The following TSPAN19 variants were observed in gnomAD, a reference collection of about 807,000 sequenced individuals.
The protein encoded by TSPAN19 is tetraspanin 19.
A neutral mutation model predicts 35.1 loss-of-function variants in TSPAN19; 44 were observed. The ratio of observed to expected loss-of-function variants is 1.25; its 90% CI spans 0.98 to 1.61. The LOEUF (loss-of-function observed/expected upper bound fraction) is 1.61. Ranked by LOEUF, TSPAN19 falls within the 40% of genes most tolerant of loss-of-function variation. The pLI, the probability that TSPAN19 is intolerant of heterozygous loss-of-function variation, is 0.00. For missense variants in TSPAN19, 290 were observed against 280.0 expected (o/e 1.04, Z -0.26); for synonymous variants, 79 against 92.0 (o/e 0.86, Z 0.81).
chr12:85,015,652 A>G (rs1365280184), intron 8 of TSPAN19: 2 of 327,662 alleles, frequency 6.1e-6, no homozygotes, highest in Admixed American at 4.9e-5. Flanking sequence ...AAAAATATAC[A>G]TAGGTACTAT....
chr12:85,026,453 G>A (rs1730159328), intron 4 of TSPAN19, among the ~76,000 whole-genome samples: 1 of 152,162 alleles, frequency 6.6e-6, no homozygotes, highest in African/African-American at 2.4e-5. Context: ...CTGGAAGTCT[G>A]TGGGTTTCCA....
At chr12:85,030,054 C>A in intron 1 of TSPAN19, 81 bp from the exon 2 acceptor site, 1 of 1,092,602 alleles carries the variant, frequency 9.2e-7, no homozygotes, top group Non-Finnish European at 1.2e-6. Context: ...TTTATTTGCA[C>A]ATTTTTCTTC....
At chr12:85,016,017 C>T (rs1876774005) in intron 7 of TSPAN19, 46 bp from the exon 8 acceptor site, 2 of 1,160,034 alleles carry the variant, frequency 1.7e-6, no homozygotes, top group Admixed American at 5.5e-5. Flanking sequence ...TGGAAATGAT[C>T]TTATACATAA....
chr12:85,016,205 T>C, intron 7 of TSPAN19: 1 of 361,266 alleles, frequency 2.8e-6, no homozygotes, highest in East Asian at 5.1e-5. Context: ...AAATCAGAAA[T>C]TTGTTACACT....
In TSPAN19 at chr12:85,017,465, A is replaced by G. The variant is rs1461569168; in HGVS notation, c.585T>C (p.Thr195=). Residue 195 remains threonine, a synonymous_variant, in exon 7 of 9, where the codon ACT becomes ACC. Transcript: ENST00000532498. ...CTAGATTTATCTTTACCTCAAGGTAAGTTGCATTCAGTGGCTCATCACAAA... is the reference window on the plus strand; with the variant it reads ...CTAGATTTATCTTTACCTCAAGGTAGGTTGCATTCAGTGGCTCATCACAAA... ...KWFCDEPLNA[T]YLEGCENKIS... 2 of 1,607,880 alleles carry G rather than the reference A, an allele frequency of 1.2e-6. No individual in the cohort carries two copies. Among genetic ancestry groups the G allele is most frequent in the African/African-American group, 2.7e-5 (2 of 74,630 alleles).
intron 3 of TSPAN19, 52 bp from the exon 4 acceptor site, chr12:85,028,075 GTATTT>G: frequency 7.3e-7 from 1 of 1,377,002 alleles, no homozygotes; most frequent in Non-Finnish European, 9.8e-7. Flanking sequence ...ATATGAAGTG[GTATTT>G]TATTTATTTT....
At chr12:85,022,590 C>T (rs986073935) in intron 5 of TSPAN19, among the ~76,000 whole-genome samples, 1 of 152,040 alleles carries the variant, frequency 6.6e-6, no homozygotes, top group Non-Finnish European at 1.5e-5. Context: ...TTATATTTTA[C>T]AGATACAGCA....
At chr12:85,018,134 C>A (rs1219653956) in intron 6 of TSPAN19, among the ~76,000 whole-genome samples, 1 of 151,668 alleles carries the variant, frequency 6.6e-6, no homozygotes, top group African/African-American at 2.4e-5. Flanking sequence ...ATAAAATGAT[C>A]CAACTTTTAA....
At chr12:85,017,374 T>A in intron 7 of TSPAN19, 82 bp downstream of exon 7, 1 of 1,273,426 alleles carries the variant, frequency 7.9e-7, no homozygotes, top group South Asian at 1.4e-5. Context: ...TATATAAAAA[T>A]TTGCTCAGAA....
intron 5 of TSPAN19, among the ~76,000 whole-genome samples, chr12:85,022,427 C>A (rs1177477503): frequency 6.6e-6 from 1 of 151,988 alleles, no homozygotes; most frequent in Admixed American, 6.6e-5. Flanking sequence ...ATCTAGGAAC[C>A]ATATAAATTA....
chr12:85,028,573 G>T (rs1877533778), intron 3 of TSPAN19, among the ~76,000 whole-genome samples: 1 of 152,138 alleles, frequency 6.6e-6, no homozygotes, highest in African/African-American at 2.4e-5. Context: ...AACAATAAAT[G>T]CTCAACAAAT....
chr12:85,034,576 A>G (rs999153348), intron 1 of TSPAN19, among the ~76,000 whole-genome samples: 1 of 152,206 alleles, frequency 6.6e-6, no homozygotes, highest in Non-Finnish European at 1.5e-5. Flanking sequence ...CTCAGGTTAA[A>G]GAGTCATAGG....
At chr12:85,022,626 G>A (rs968580171) in intron 5 of TSPAN19, among the ~76,000 whole-genome samples, 5 of 152,022 alleles carry the variant, frequency 3.3e-5, no homozygotes, top group Admixed American at 2.0e-4. Context: ...GCAAGTTGGT[G>A]ATCCCTAACC....
At chr12:85,016,129 C>A in intron 7 of TSPAN19, 158 bp from the exon 8 acceptor site, 1 of 495,192 alleles carries the variant, frequency 2.0e-6, no homozygotes, top group Non-Finnish European at 3.5e-6. Context: ...GTCCAGAAAG[C>A]TTTCTACGGC....
intron 4 of TSPAN19, chr12:85,024,754 T>G: frequency 6.7e-6 from 1 of 148,706 alleles, no homozygotes; most frequent in Non-Finnish European, 1.5e-5. Flanking sequence ...TCCAGCCTAG[T>G]GACAGAGCGA....
chr12:85,028,779 C>A (rs1345767973), intron 3 of TSPAN19, among the ~76,000 whole-genome samples: 12 of 152,082 alleles, frequency 7.9e-5, no homozygotes, highest in Admixed American at 7.9e-4. Context: ...GCTGTTTAAA[C>A]CATGGAAATG....
In TSPAN19 at chr12:85,017,524, A is replaced by G. The variant is rs778570741; in HGVS notation, c.526T>C (p.Cys176Arg). The stretch of plus-strand genomic sequence containing the variant: ...CTTAAAGTTGACTTTGTGCAAGAAC[A>G]TGGCACCTGTCCTGAATTTTCTTTG... ...KNKENSGQVP[C>R]SCTKSTLRKW... The change falls in exon 7 of 9, where the codon TGT (cysteine) becomes CGT (arginine). Residue 176 changes from cysteine (C) to arginine (R), a missense_variant. Coordinates refer to ENST00000532498, the MANE Select transcript of TSPAN19 (RefSeq NM_001100917.2). The G allele has an allele frequency of 1.2e-6, 2 of 1,604,858 alleles. No individual in the cohort carries two copies. The highest frequency in any genetic ancestry group is 2.2e-5 in the South Asian group (2 of 89,720).
At chr12:85,023,501 A>G (rs1877237285) in intron 4 of TSPAN19, 101 bp from the exon 5 acceptor site, 2 of 947,506 alleles carry the variant, frequency 2.1e-6, no homozygotes, top group Non-Finnish European at 1.6e-6. Flanking sequence ...ATGCAACCAT[A>G]AAGTATATAT....
chr12:85,031,033 C>G (rs1423813024), intron 1 of TSPAN19, among the ~76,000 whole-genome samples: 1 of 151,982 alleles, frequency 6.6e-6, no homozygotes, highest in African/African-American at 2.4e-5. Flanking sequence ...GTTTATTGAA[C>G]TGAAGGATCC....
Sources: gnomAD v4.1 joint callset for allele counts (sites outside exome capture counted in the v4.1 genomes callset) on GRCh38, gnomAD v4.1.1 for gene constraint, MANE v1.5 for transcripts, NCBI Gene and HGNC (gene_info 2026-07-23, HGNC 2026-07-21) for gene names.